ACTL6A: variants seen among roughly 807,000 people sequenced by gnomAD.
ACTL6A encodes actin-like protein 6A.
A neutral mutation model predicts 59.2 loss-of-function variants in ACTL6A; 5 were observed. The ratio of observed to expected loss-of-function variants is 0.08; its 90% CI spans 0.04 to 0.18. The LOEUF is 0.18. Ranked by LOEUF, ACTL6A falls within the 10% of genes least tolerant of loss-of-function variation. ACTL6A has a pLI of 1.00. For missense variants in ACTL6A, 285 were observed against 526.9 expected, an observed-to-expected ratio of 0.54 and a Z score of 4.49; for synonymous variants, 154 against 171.8, an observed-to-expected ratio of 0.90 and a Z score of 0.81.
At chr3:179,575,817 T>A (rs1393260988) in intron 5 of ACTL6A, among the ~76,000 whole-genome samples, 7 of 152,226 alleles carry the variant, frequency 4.6e-5, no homozygotes, top group Non-Finnish European at 1.0e-4. Context: ...ATGGTTATAG[T>A]CCCTAGCTCA....
intron 5 of ACTL6A, 178 bp downstream of exon 5, chr3:179,574,645 A>G (rs2108361322): frequency 1.8e-6 from 1 of 558,678 alleles, no homozygotes. Flanking sequence ...ATGATACACC[A>G]GAAGGTATGA....
intron 1 of ACTL6A, among the ~76,000 whole-genome samples, chr3:179,566,899 C>T (rs548273373): frequency 5.2e-4 from 78 of 150,552 alleles, no homozygotes; most frequent in African/African-American, 1.9e-3. Flanking sequence ...CCATGTTGGC[C>T]AGGATGGTCT....
chr3:179,567,098 G>A (rs532657364), intron 1 of ACTL6A, among the ~76,000 whole-genome samples: 2 of 152,296 alleles, frequency 1.3e-5, no homozygotes, highest in South Asian at 2.1e-4. Context: ...GGGCATGGTA[G>A]CTCACGTCTA....
intron 1 of ACTL6A, among the ~76,000 whole-genome samples, chr3:179,565,337 C>G (rs575333052): frequency 2.7e-4 from 41 of 151,140 alleles, no homozygotes; most frequent in Non-Finnish European, 5.5e-4. Context: ...CTGGGGAGGC[C>G]GAGGCACAAG....
intron 3 of ACTL6A, among the ~76,000 whole-genome samples, chr3:179,571,246 A>T (rs1052696126): frequency 2.0e-5 from 3 of 151,982 alleles, no homozygotes; most frequent in Admixed American, 1.3e-4. Context: ...ACATGGCGAA[A>T]CCCCATCTCT....
chr3:179,575,118 C>T (rs1474035366), intron 5 of ACTL6A: 1 of 282,146 alleles, frequency 3.5e-6, no homozygotes, highest in South Asian at 3.4e-5. Context: ...GCTGGGATTA[C>T]AGGCATGAGC....
In ACTL6A at chr3:179,588,284, G is replaced by T; in HGVS notation, c.*274G>T. 1 of 314,604 alleles carries T rather than the reference G, an allele frequency of 3.2e-6. No individual in the cohort carries two copies. The highest frequency in any genetic ancestry group is 5.7e-6 in the Non-Finnish European group (1 of 175,026). The allele number at this position is 314,604 out of a possible 1,614,324, so 19.5% of individuals were successfully genotyped here. On this transcript the variant is annotated 3_prime_UTR_variant, in exon 14 of 14. Transcript: ENST00000429709. ...TTTCAGTAAAATGCTTTCCAACTCT[G>T]TTTAGTGTATTAATTACCAGTGGAT...
intron 11 of ACTL6A, chr3:179,583,122 T>G: frequency 3.3e-6 from 1 of 301,812 alleles, no homozygotes; most frequent in Admixed American, 4.9e-5. Flanking sequence ...TCCCCAGACA[T>G]TTTTATTTAA....
chr3:179,572,382 ATAAT>A (rs1718034416), intron 3 of ACTL6A, among the ~76,000 whole-genome samples: 1 of 152,268 alleles, frequency 6.6e-6, no homozygotes. Flanking sequence ...GTGGAAATAT[ATAAT>A]TAATGACATT....
intron 11 of ACTL6A, among the ~76,000 whole-genome samples, chr3:179,581,488 G>C (rs1560013951): frequency 6.6e-6 from 1 of 152,222 alleles, no homozygotes; most frequent in South Asian, 2.1e-4. Flanking sequence ...TTCTTCAGTT[G>C]TAGTAGCCTC....
At chr3:179,583,993 C>T (rs948149011) in intron 12 of ACTL6A, among the ~76,000 whole-genome samples, 1 of 152,126 alleles carries the variant, frequency 6.6e-6, no homozygotes, top group South Asian at 2.1e-4. Context: ...CTAGTCTTTA[C>T]GTAAGTGGGG....
chr3:179,564,686 A>G (rs1047433914), intron 1 of ACTL6A, among the ~76,000 whole-genome samples: 2 of 152,340 alleles, frequency 1.3e-5, no homozygotes, highest in Non-Finnish European at 2.9e-5. Context: ...TAATTAGGAC[A>G]GGAAAATGAG....
intron 5 of ACTL6A, 79 bp from the exon 6 acceptor site, chr3:179,576,138 C>A: frequency 1.0e-6 from 1 of 1,004,062 alleles, no homozygotes; most frequent in Non-Finnish European, 1.6e-6. Flanking sequence ...GTTTCTGAAA[C>A]ATTATAAGAG....
intron 1 of ACTL6A, among the ~76,000 whole-genome samples, chr3:179,563,326 C>T (rs933423229): frequency 9.2e-5 from 14 of 151,918 alleles, no homozygotes; most frequent in African/African-American, 3.1e-4. Context: ...AGTGGCGGCT[C>T]TCTGTGGCCT....
At chr3:179,573,793 C>T (rs1718087299) in intron 4 of ACTL6A, among the ~76,000 whole-genome samples, 2 of 152,050 alleles carry the variant, frequency 1.3e-5, no homozygotes, top group Non-Finnish European at 2.9e-5. Context: ...ATTTCTTGTG[C>T]CCCAAGGGCA....
At chr3:179,584,645 C>T (rs1228827116) in intron 12 of ACTL6A, among the ~76,000 whole-genome samples, 2 of 151,132 alleles carry the variant, frequency 1.3e-5, no homozygotes, top group African/African-American at 4.9e-5. Flanking sequence ...ATTAGCCGGA[C>T]ACGGTGGCAC....
intron 11 of ACTL6A, among the ~76,000 whole-genome samples, chr3:179,582,935 G>A (rs752315022): frequency 3.3e-5 from 5 of 152,166 alleles, no homozygotes; most frequent in Non-Finnish European, 7.4e-5. Context: ...TAAAAACCAT[G>A]CCTGCCAGGT....
Position 179,588,014 on chromosome 3 carries a change from A to G in ACTL6A, c.*4A>G. 1 of 1,593,518 alleles carries G rather than the reference A, an allele frequency of 6.3e-7. No homozygotes were observed. The highest frequency in any genetic ancestry group is 8.5e-7 in the Non-Finnish European group (1 of 1,173,206). On this transcript the variant is annotated 3_prime_UTR_variant, in exon 14 of 14. Coordinates refer to ENST00000429709, the MANE Select transcript of ACTL6A (RefSeq NM_004301.5). ...TGTAGAAAGAAAATGCCCTTGAGAA[A>G]GAGTTCCCAAGCTTCTACCTTCCTT...
chr3:179,588,134 C>A lies in ACTL6A; in HGVS notation c.*124C>A. ...ACATTTTTGCATATTTCAATTTCCA[C>A]TTAAATTTTTTAAAGCTTTAACTGG... On this transcript the variant is annotated 3_prime_UTR_variant, in exon 14 of 14. Transcript: ENST00000429709. The A allele has an allele frequency of 1.4e-6, 1 of 701,914 alleles. No homozygotes were observed. The highest frequency in any genetic ancestry group is 2.1e-6 in the Non-Finnish European group (1 of 469,560). The allele number at this position is 701,914 out of a possible 1,614,324, so 43.5% of individuals were successfully genotyped here.
Sources: allele counts gnomAD v4.1 joint callset (sites outside exome capture counted in the v4.1 genomes callset), GRCh38; gene constraint gnomAD v4.1.1; transcripts MANE v1.5; gene names NCBI Gene and HGNC (gene_info 2026-07-23, HGNC 2026-07-21).